Variants in DGKB observed in about 807,000 individuals in gnomAD.
DGKB encodes 90 kDa diacylglycerol kinase.
A neutral mutation model predicts 114.3 loss-of-function variants in DGKB; 67 were observed. That is an observed-to-expected ratio of 0.59 (90% CI 0.48 to 0.72). The LOEUF (loss-of-function observed/expected upper bound fraction) is 0.72. Ranked by LOEUF, DGKB falls within the 30% of genes least tolerant of loss-of-function variation. The pLI is 0.00. For synonymous variants in DGKB, 398 were observed against 323.1 expected, an observed-to-expected ratio of 1.23 and a Z score of -2.49; for missense variants, 907 against 975.2, an observed-to-expected ratio of 0.93 and a Z score of 0.93.
At chr7:14,620,215 A>G (rs968662528) in intron 15 of DGKB, among the ~76,000 whole-genome samples, 2 of 151,334 alleles carry the variant, frequency 1.3e-5, no homozygotes, top group African/African-American at 4.8e-5. Context: ...TCTGTTCTCT[A>G]ATATATAATA....
At chr7:14,637,689 T>C (rs569196967) in intron 13 of DGKB, among the ~76,000 whole-genome samples, 1 of 151,922 alleles carries the variant, frequency 6.6e-6, no homozygotes, top group South Asian at 2.1e-4. Context: ...ATTCAGACAC[T>C]AAACTCATCT....
chr7:14,837,797 AT>A (rs1847361776), intron 2 of DGKB, among the ~76,000 whole-genome samples: 1 of 152,178 alleles, frequency 6.6e-6, no homozygotes, highest in African/African-American at 2.4e-5. Context: ...TTCCTGTTAT[AT>A]TTTGGCACTG....
At chr7:14,452,153 G>T (rs1485735464) in intron 21 of DGKB, among the ~76,000 whole-genome samples, 1 of 152,104 alleles carries the variant, frequency 6.6e-6, no homozygotes, top group East Asian at 1.9e-4. Flanking sequence ...AAAAGAACAT[G>T]CATGACATAC....
intron 23 of DGKB, among the ~76,000 whole-genome samples, chr7:14,240,902 G>T (rs573005020): frequency 1.8e-4 from 28 of 152,156 alleles, no homozygotes; most frequent in African/African-American, 6.7e-4. Context: ...TATTGAATTT[G>T]TAGAATCTGT....
At chr7:14,330,071 A>G (rs1204711200) in intron 23 of DGKB, among the ~76,000 whole-genome samples, 1 of 151,998 alleles carries the variant, frequency 6.6e-6, no homozygotes, top group Non-Finnish European at 1.5e-5. Flanking sequence ...TGTATTTTCT[A>G]ATCTTCTCTG....
chr7:14,737,384 G>A (rs1485798052), intron 4 of DGKB, among the ~76,000 whole-genome samples: 1 of 149,128 alleles, frequency 6.7e-6, no homozygotes, highest in Admixed American at 6.8e-5. Flanking sequence ...TCACATTGCT[G>A]GCAGGTAAGA....
At chr7:14,522,807 C>A (rs533109830) in intron 20 of DGKB, among the ~76,000 whole-genome samples, 2 of 152,232 alleles carry the variant, frequency 1.3e-5, no homozygotes, top group Non-Finnish European at 2.9e-5. Flanking sequence ...CTTTGTCATG[C>A]CTTCCATTGA....
chr7:14,818,894 G>C (rs1219597776), intron 2 of DGKB, among the ~76,000 whole-genome samples: 1 of 152,154 alleles, frequency 6.6e-6, no homozygotes, highest in South Asian at 2.1e-4. Context: ...GAAGCACCGA[G>C]GTTTGAAGTC....
intron 2 of DGKB, among the ~76,000 whole-genome samples, chr7:14,820,944 T>G (rs1012068551): frequency 1.3e-5 from 2 of 152,122 alleles, no homozygotes; most frequent in African/African-American, 4.8e-5. Context: ...AGACCAGGCT[T>G]TTTAGAAACA....
intron 17 of DGKB, among the ~76,000 whole-genome samples, chr7:14,601,455 T>G (rs2128765239): frequency 6.6e-6 from 1 of 152,320 alleles, no homozygotes; most frequent in African/African-American, 2.4e-5. Context: ...CTACCCAAAC[T>G]TTCATTGGTA....
chr7:14,620,468 G>C (rs552448399), intron 15 of DGKB, among the ~76,000 whole-genome samples: 5 of 151,174 alleles, frequency 3.3e-5, no homozygotes, highest in Admixed American at 1.3e-4. Flanking sequence ...TATAGTATCA[G>C]AAATAAAATA....
At chr7:14,623,154 T>C (rs960433485) in intron 14 of DGKB, among the ~76,000 whole-genome samples, 12 of 152,166 alleles carry the variant, frequency 7.9e-5, no homozygotes, top group African/African-American at 2.7e-4. Context: ...TTCTAAGTTC[T>C]TGAAGCAACT....
chr7:14,282,814 C>A (rs916795389), intron 23 of DGKB, among the ~76,000 whole-genome samples: 2 of 152,212 alleles, frequency 1.3e-5, no homozygotes, highest in South Asian at 2.1e-4. Context: ...ATTCAACAAC[C>A]TTTCATGCTA....
intron 23 of DGKB, among the ~76,000 whole-genome samples, chr7:14,194,678 T>G (rs567739051): frequency 4.6e-5 from 7 of 152,248 alleles, no homozygotes; most frequent in Admixed American, 3.9e-4. Flanking sequence ...CTGTTATATA[T>G]GTACACAGAA....
At chr7:14,476,769 T>TG (rs1367648439) in intron 21 of DGKB, among the ~76,000 whole-genome samples, 2 of 151,434 alleles carry the variant, frequency 1.3e-5, no homozygotes, top group Non-Finnish European at 2.9e-5. Flanking sequence ...TTTTTTTTTT[T>TG]TTTGAGACGG....
chr7:14,847,733 T>C (rs1251560197), intron 1 of DGKB, among the ~76,000 whole-genome samples: 1 of 152,234 alleles, frequency 6.6e-6, no homozygotes, highest in Admixed American at 6.5e-5. Flanking sequence ...CAACAGGAAG[T>C]CCTGATTTCA....
chr7:14,447,347 T>C (rs1193221214), intron 21 of DGKB, among the ~76,000 whole-genome samples: 1 of 152,050 alleles, frequency 6.6e-6, no homozygotes, highest in Non-Finnish European at 1.5e-5. Context: ...GCCTTATTCT[T>C]CTTGGTCATA....
At chr7:14,224,218 G>T (rs1790434108) in intron 23 of DGKB, among the ~76,000 whole-genome samples, 1 of 151,544 alleles carries the variant, frequency 6.6e-6, no homozygotes, top group South Asian at 2.1e-4. Context: ...AAAATTGTTT[G>T]GATTATATAA....
At chr7:14,191,100 G>A (rs1175590880) in intron 23 of DGKB, 2 of 160,898 alleles carry the variant, frequency 1.2e-5, no homozygotes, top group African/African-American at 2.4e-5. Flanking sequence ...TGCGAAAAAC[G>A]TGAATACAGC....
Sources: allele counts gnomAD v4.1 joint callset (sites outside exome capture counted in the v4.1 genomes callset), GRCh38; gene constraint gnomAD v4.1.1; transcripts MANE v1.5; gene names NCBI Gene and HGNC (gene_info 2026-07-23, HGNC 2026-07-21).